RAI1: variants seen among roughly 807,000 people sequenced by gnomAD.
RAI1 encodes retinoic acid-induced protein 1.
A neutral mutation model predicts 123.8 loss-of-function variants in RAI1; 9 were observed. That is an observed-to-expected ratio of 0.07 (90% CI 0.04 to 0.13). The LOEUF (loss-of-function observed/expected upper bound fraction) is 0.13. RAI1 is among the 10% of genes least tolerant of loss of function. The pLI, the probability that RAI1 is intolerant of heterozygous loss-of-function variation, is 1.00. For synonymous variants in RAI1, 1,231 were observed against 1,127.3 expected, an observed-to-expected ratio of 1.09 and a Z score of -1.84; for missense variants, 2,256 against 2,545.8, an observed-to-expected ratio of 0.89 and a Z score of 2.45.
chr17:17,802,221 A>T, intron 3 of RAI1: 2 of 465,592 alleles, frequency 4.3e-6, no homozygotes, highest in South Asian at 3.1e-5. Flanking sequence ...GACTTAGAGG[A>T]GGACGGCATC....
intron 3 of RAI1, among the ~76,000 whole-genome samples, chr17:17,802,336 A>G (rs1474281722): frequency 6.6e-6 from 1 of 152,220 alleles, no homozygotes; most frequent in African/African-American, 2.4e-5. Context: ...TCCTAGGTAG[A>G]ACAGTCCCAG....
chr17:17,692,080 C>G (rs1384000396), intron 1 of RAI1, among the ~76,000 whole-genome samples: 1 of 152,210 alleles, frequency 6.6e-6, no homozygotes, highest in East Asian at 1.9e-4. Flanking sequence ...TGGCTCTCTT[C>G]TTGACTCCAG....
At position 17,797,623 on chromosome 17, in the gene RAI1, C is replaced by T; in HGVS notation, c.4675C>T (p.Arg1559Ter). Residue 1559 changes from arginine to a stop codon, truncating the protein, a stop_gained, in exon 3 of 6, where the codon CGA becomes TGA. Coordinates refer to ENST00000353383, the MANE Select transcript of RAI1 (RefSeq NM_030665.4). LOFTEE classifies it high-confidence loss of function. The stretch of plus-strand genomic sequence containing the variant: ...TTCACCCTGTAAGGGGCGTGCCAAG[C>T]GACGACGACAGCAGCAGGTGCTGCC... ...TSSPCKGRAKRRRQQQVLPLD... is the reference protein window; with the variant it reads ...TSSPCKGRAK 6.2e-7 allele frequency: 1 copy of T among 1,613,866 alleles called. No individual in the cohort carries two copies. Among genetic ancestry groups the T allele is most frequent in the Non-Finnish European group, 8.5e-7 (1 of 1,180,038 alleles).
chr17:17,716,426 A>G (rs1915714682), intron 1 of RAI1, among the ~76,000 whole-genome samples: 1 of 152,220 alleles, frequency 6.6e-6, no homozygotes, highest in South Asian at 2.1e-4. Context: ...CTCTGCATGT[A>G]GCTGTGTGTG....
chr17:17,808,334 CAT>C (rs2032634764), intron 4 of RAI1, among the ~76,000 whole-genome samples: 2 of 152,144 alleles, frequency 1.3e-5, no homozygotes, highest in South Asian at 4.2e-4. Context: ...GCATGCCACA[CAT>C]GTGCAGGGTG....
chr17:17,802,029 C>T lies in RAI1; in HGVS notation c.5566-1727C>T, dbSNP rs903201952. 4 of 469,890 alleles carry T rather than the reference C, an allele frequency of 8.5e-6. No individual in the cohort carries two copies. The Admixed American group carries it at 9.4e-5, about 11-fold the overall frequency. The allele number at this position is 469,890 out of a possible 1,614,324, so 29.1% of individuals were successfully genotyped here. A position where few individuals can be genotyped will look rare whatever the true frequency, so the allele number is the denominator to read the frequency against. On this transcript the variant is annotated intron_variant, in intron 3 of 5. Transcript: ENST00000353383. ...CTCTGCTGCCTTCTCTACCTCACCCCCCGCCCCCAGCACGGTGGCACTGTG... is the reference window on the plus strand; with the variant it reads ...CTCTGCTGCCTTCTCTACCTCACCCTCCGCCCCCAGCACGGTGGCACTGTG...
intron 2 of RAI1, among the ~76,000 whole-genome samples, chr17:17,756,249 G>C (rs1046902383): frequency 2.0e-5 from 3 of 151,804 alleles, no homozygotes; most frequent in African/African-American, 4.8e-5. Context: ...CCAGGCTGGA[G>C]TGCAATGGTG....
intron 2 of RAI1, chr17:17,779,273 C>T (rs913616411): frequency 6.7e-6 from 2 of 298,692 alleles, no homozygotes; most frequent in Non-Finnish European, 1.3e-5. Context: ...CAGCAGACTG[C>T]GTGTCTGGGG....
chr17:17,739,680 C>T (rs1247655652), intron 2 of RAI1, among the ~76,000 whole-genome samples: 3 of 152,244 alleles, frequency 2.0e-5, no homozygotes, highest in African/African-American at 4.8e-5. Flanking sequence ...GCCCCACAGA[C>T]CCCATCCCTA....
chr17:17,695,137 G>A (rs1470745418), intron 1 of RAI1, among the ~76,000 whole-genome samples: 2 of 152,128 alleles, frequency 1.3e-5, no homozygotes, highest in Admixed American at 6.5e-5. Flanking sequence ...GCTATTAAAA[G>A]TGGAGGCCAG....
chr17:17,780,372 C>A (rs1289466880), intron 2 of RAI1, among the ~76,000 whole-genome samples: 2 of 152,126 alleles, frequency 1.3e-5, no homozygotes, highest in Admixed American at 6.5e-5. Flanking sequence ...GGCCACCCAC[C>A]CTTTTTTTCT....
At chr17:17,774,454 C>T (rs2031267227) in intron 2 of RAI1, among the ~76,000 whole-genome samples, 1 of 152,270 alleles carries the variant, frequency 6.6e-6, no homozygotes, top group African/African-American at 2.4e-5. Flanking sequence ...CCGCAGGGGC[C>T]TCCGGCCCGT....
In RAI1 at chr17:17,732,521, G is replaced by A. The variant is rs574030907; in HGVS notation, c.-17+8362G>A. On this transcript the variant is annotated intron_variant, in intron 2 of 5. Transcript: ENST00000353383. ...TCCTTGGGCATCTCCTCTATAAAGG[G>A]CTTGTGTTCTCCTGGGGTTTGCAGG... 2.8e-4 allele frequency among the ~76,000 whole-genome samples: 42 copies of A among 152,308 alleles called. 1 individual carries two copies. In the South Asian group the frequency reaches 8.1e-3, roughly 29 times the overall value.
chr17:17,795,018 T>C lies in RAI1; in HGVS notation c.2070T>C (p.Pro690=), dbSNP rs200274026. The change falls in exon 3 of 6, where the codon CCT becomes CCC. Residue 690 remains proline (P), a synonymous_variant. Transcript: ENST00000353383. The surrounding 1 kb of genome is among the most constrained non-coding windows in gnomAD (Gnocchi z 5.9). ...TCAGCCCAGGGCTGTTTGAAGACCC[T>C]TCCGTGGCCTTCGCTACGCCTGACC... is the stretch of plus-strand genomic sequence containing the variant. ...KDFSPGLFED[P]SVAFATPDPK... is the part of the protein sequence containing the mutation. The C allele has an allele frequency of 6.2e-7, 1 of 1,614,094 alleles. No individual in the cohort carries two copies. The highest frequency in any genetic ancestry group is 1.3e-5 in the African/African-American group (1 of 75,064).
At chr17:17,703,752 C>T (rs767947693) in intron 1 of RAI1, among the ~76,000 whole-genome samples, 1 of 152,162 alleles carries the variant, frequency 6.6e-6, no homozygotes, top group Non-Finnish European at 1.5e-5. Context: ...ACGATCCTTC[C>T]GCCTTGGCCT....
chr17:17,783,455 G>A (rs577893647), intron 2 of RAI1, among the ~76,000 whole-genome samples: 2 of 151,702 alleles, frequency 1.3e-5, no homozygotes, highest in South Asian at 4.2e-4. Context: ...AATTTTACCT[G>A]CCCCTGAGGG....
At chr17:17,761,016 T>C (rs1161600475) in intron 2 of RAI1, among the ~76,000 whole-genome samples, 1 of 152,186 alleles carries the variant, frequency 6.6e-6, no homozygotes, top group Non-Finnish European at 1.5e-5. Flanking sequence ...AGTGAAAGTG[T>C]TTTGGAGTCA....
chr17:17,747,049 C>T (rs1482808196), intron 2 of RAI1, among the ~76,000 whole-genome samples: 1 of 152,164 alleles, frequency 6.6e-6, no homozygotes, highest in Non-Finnish European at 1.5e-5. Flanking sequence ...ATTCATCGCC[C>T]CCATTTCTTA....
chr17:17,724,996 C>CT (rs1168101722), intron 2 of RAI1, among the ~76,000 whole-genome samples: 1 of 2,156 alleles, frequency 4.6e-4, no homozygotes, highest in Non-Finnish European at 1.3e-3. Context: ...GCACCTCTGC[C>CT]GGGGGGAGTG....
Sources: gnomAD v4.1 joint callset for allele counts (sites outside exome capture counted in the v4.1 genomes callset) on GRCh38, gnomAD v4.1.1 for gene constraint, Gnocchi (gnomAD v3.1) non-coding constraint, MANE v1.5 for transcripts, NCBI Gene and HGNC (gene_info 2026-07-23, HGNC 2026-07-21) for gene names.